GPS1: variants seen among roughly 807,000 people sequenced by gnomAD.
GPS1 encodes COP9 signalosome complex subunit 1.
Under a neutral mutation model 60.0 loss-of-function variants are expected in GPS1, and 11 were observed. That is an observed-to-expected ratio of 0.18 (90% CI 0.12 to 0.30). GPS1 has a LOEUF of 0.30. Ranked by LOEUF, GPS1 falls within the 10% of genes least tolerant of loss-of-function variation. The pLI, the probability that GPS1 is intolerant of heterozygous loss-of-function variation, is 1.00. For missense variants in GPS1, 543 were observed against 669.2 expected, an observed-to-expected ratio of 0.81 and a Z score of 2.08; for synonymous variants, 343 against 269.8, an observed-to-expected ratio of 1.27 and a Z score of -2.66.
rs1286080748 is a variant in GPS1, at chr17:82,057,061, C to T, written c.1398C>T (p.Pro466=). The stretch of plus-strand genomic sequence containing the variant: ...CCTTGTCTCCCCTGCAGTCCCCGCC[C>T]AGAGAAGGGAGCCAGGGGGAGCTGA... ...LRNQIHVKSP[P]REGSQGELTP... is the part of the protein sequence containing the mutation. Residue 466 remains proline, a synonymous_variant, in exon 13 of 13, where the codon CCC becomes CCT. Transcript: ENST00000578552. The T allele has an allele frequency of 1.9e-6, 3 of 1,594,572 alleles. No homozygotes were observed. Among genetic ancestry groups the T allele is most frequent in the Admixed American group, 1.7e-5 (1 of 58,924 alleles).
chr17:82,054,405 T>G lies in GPS1; in HGVS notation c.309-105T>G. The G allele has an allele frequency of 2.2e-6, 3 of 1,378,346 alleles. No homozygotes were observed. In the African/African-American group the frequency reaches 4.4e-5, roughly 20 times the overall value. 85.4% of individuals were successfully genotyped at this position (1,378,346 alleles called of 1,614,324 possible). ...TTGAGGCCAGCGGGAGGTGCCCACC[T>G]GTGTGCCGGTTGGGCCTTTGAGGGC... On this transcript the variant is annotated intron_variant, in intron 3 of 12. Coordinates refer to ENST00000578552, the MANE Select transcript of GPS1 (RefSeq NM_001321092.3).
In GPS1 at chr17:82,056,939, C is replaced by T. The variant is rs2032957644; in HGVS notation, c.1354C>T (p.Arg452Trp). 1.2e-6 allele frequency: 2 copies of T among 1,612,782 alleles called. No individual in the cohort carries two copies. Among genetic ancestry groups the T allele is most frequent in the Non-Finnish European group, 1.7e-6 (2 of 1,179,948 alleles). Residue 452 changes from arginine (R) to tryptophan (W), a missense_variant, in exon 12 of 13, where the codon CGG becomes TGG. By Grantham distance (101) the Arg-to-Trp change is moderately radical (BLOSUM62 -3). Coordinates refer to ENST00000578552, the MANE Select transcript of GPS1 (RefSeq NM_001321092.3). ...GCGCCGCGCCAAGGCCATGATGCTG[C>T]GGGCAGCTGTGCTCCGCAACCAGAT... ...FQRRAKAMML[R>W]AAVLRNQIHV...
rs574840143 is a variant in GPS1, at chr17:82,055,191, G to A, written c.717G>A (p.Gln239=). 9.0e-6 allele frequency: 14 copies of A among 1,560,708 alleles called. No homozygotes were observed. The highest frequency in any genetic ancestry group is 7.2e-5 in the East Asian group (3 of 41,424). Residue 239 remains glutamine (Q), a synonymous_variant, in exon 6 of 13, where the codon CAG becomes CAA. Coordinates refer to ENST00000578552, the MANE Select transcript of GPS1 (RefSeq NM_001321092.3). ...GAGGAGAGCGTGACAGCCAGACCCA[G>A]GCCATCCTCACCAAGCTCAAGTGTG... ...EQRGERDSQT[Q]AILTKLKCAA...
rs1010474793 is a variant in GPS1 at position 82,051,943 on chromosome 17, G to A, written c.12G>A (p.Pro4=). ...GGGGTGGGTGCAAGATGCCGCTGCCGGTTCAGGTGTTTAACTTGCAGGTAA... is the reference window on the plus strand; with the variant it reads ...GGGGTGGGTGCAAGATGCCGCTGCCAGTTCAGGTGTTTAACTTGCAGGTAA... MPL[P]VQVFNLQGAV... Residue 4 remains proline, a synonymous_variant, in exon 1 of 13, where the codon CCG becomes CCA. Coordinates refer to ENST00000578552, the MANE Select transcript of GPS1 (RefSeq NM_001321092.3). The surrounding 1 kb of genome is among the most constrained non-coding windows in gnomAD (Gnocchi z 4.1). The A allele has an allele frequency of 1.0e-5, 12 of 1,166,130 alleles. No individual in the cohort carries two copies. In the African/African-American group the frequency reaches 1.8e-4, roughly 17 times the overall value. The allele number at this position is 1,166,130 out of a possible 1,614,324, so 72.2% of individuals were successfully genotyped here. A position where few individuals can be genotyped will look rare whatever the true frequency, so the allele number is the denominator to read the frequency against.
intron 10 of GPS1, 39 bp from the exon 11 acceptor site, chr17:82,056,590 T>C: frequency 6.2e-7 from 1 of 1,612,454 alleles, no homozygotes; most frequent in South Asian, 1.1e-5. Flanking sequence ...CAGGCGGGCA[T>C]GCAGGGGGCT....
chr17:82,051,654 G>A, upstream of GPS1: 3 of 1,026,598 alleles, frequency 2.9e-6, no homozygotes, highest in Non-Finnish European at 3.5e-6. This position sits in a 1 kb window ranked among gnomAD's most constrained non-coding sequence, Gnocchi z 4.1. Flanking sequence ...CGGGGCGGGG[G>A]TCCGGGCCGG....
At chr17:82,053,841 C>T (rs760995728) in intron 2 of GPS1, 27 bp from the exon 3 acceptor site, 1 of 1,590,584 alleles carries the variant, frequency 6.3e-7, no homozygotes, top group South Asian at 1.1e-5. Context: ...CCCATCCTGC[C>T]TGACTCTTGT....
intron 6 of GPS1, 63 bp downstream of exon 6, chr17:82,055,285 A>G: frequency 6.7e-7 from 1 of 1,493,416 alleles, no homozygotes; most frequent in African/African-American, 1.4e-5. Context: ...CTCCCAGCCC[A>G]GGGCAGTAGG....
rs2144642003 is a variant in GPS1 at position 82,056,458 on chromosome 17, C to T, written c.1036-12C>T. ...GGCCTCCTGTCCTGGTCCTGACCAG[C>T]CCCTTCCCCAGGACAACCTGCTCCT... On this transcript the variant is annotated splice_polypyrimidine_tract_variant and intron_variant, in intron 9 of 12. Transcript: ENST00000578552. 2 of 1,613,128 alleles carry T rather than the reference C, an allele frequency of 1.2e-6. No individual in the cohort carries two copies. Among genetic ancestry groups the T allele is most frequent in the Non-Finnish European group, 1.7e-6 (2 of 1,179,976 alleles).
In GPS1 at chr17:82,056,492, A is replaced by G. The variant is rs754907485; in HGVS notation, c.1058A>G (p.Tyr353Cys). 6 of 1,612,942 alleles carry G rather than the reference A, an allele frequency of 3.7e-6. No individual in the cohort carries two copies. Among genetic ancestry groups the G allele is most frequent in the Non-Finnish European group, 5.1e-6 (6 of 1,179,976 alleles). ...CAGGACAACCTGCTCCTGGACATGT[A>G]TCTGGCCCCCCATGTCAGGACCCTG... is the stretch of plus-strand genomic sequence containing the variant. Reference protein sequence around the residue: ...EMKDNLLLDMYLAPHVRTLYT... With the variant: ...EMKDNLLLDMCLAPHVRTLYT... Residue 353 changes from tyrosine to cysteine, a missense_variant, in exon 10 of 13, where the codon TAT becomes TGT. Transcript: ENST00000578552.
intron 12 of GPS1, 26 bp downstream of exon 12, chr17:82,057,000 C>T (rs372990190): frequency 1.9e-5 from 30 of 1,611,968 alleles, no homozygotes; most frequent in African/African-American, 4.0e-5. Context: ...GGGGGGCAGG[C>T]GCACGGCGTG....
At chr17:82,054,472 G>C in intron 3 of GPS1, 38 bp from the exon 4 acceptor site, 1 of 1,455,276 alleles carries the variant, frequency 6.9e-7, no homozygotes, top group South Asian at 1.4e-5. Context: ...CCTGGCCCCC[G>C]TGACCGCCGC....
chr17:82,055,452 G>T (rs1009818166), intron 6 of GPS1: 2 of 619,828 alleles, frequency 3.2e-6, no homozygotes, highest in Non-Finnish European at 5.8e-6. Flanking sequence ...CGTGAGGCAG[G>T]TCTGCCAGCC....
chr17:82,052,477 GA>G, intron 1 of GPS1: 1 of 1,604,646 alleles, frequency 6.2e-7, no homozygotes, highest in Non-Finnish European at 8.5e-7. Context: ...CCAGGACAGG[GA>G]CCCCCGAGCG....
Position 82,054,940 on chromosome 17 carries a change from G to T in GPS1, c.652G>T (p.Val218Phe). ...LQNWSHVLSY[V>F]SKAESTPEIA... ...GAATTGGTCTCATGTGCTCAGCTAC[G>T]TCAGCAAGGCTGAGTCCACCCCAGA... is the stretch of plus-strand genomic sequence containing the variant. Residue 218 changes from valine (V) to phenylalanine (F), a missense_variant, in exon 5 of 13, where the codon GTC (valine) becomes TTC (phenylalanine). By Grantham distance (50) the Val-to-Phe change is conservative. This residue lies in a region of GPS1 where 71 missense variants were observed against 126.7 expected (regional missense o/e 0.56). Coordinates refer to ENST00000578552, the MANE Select transcript of GPS1 (RefSeq NM_001321092.3). The T allele has an allele frequency of 1.2e-6, 2 of 1,611,432 alleles. No individual in the cohort carries two copies. The highest frequency in any genetic ancestry group is 1.7e-6 in the Non-Finnish European group (2 of 1,179,106).
intron 3 of GPS1, 128 bp downstream of exon 3, chr17:82,054,177 C>A (rs534457219): frequency 9.0e-7 from 1 of 1,111,048 alleles, no homozygotes; most frequent in Non-Finnish European, 1.3e-6. Context: ...GTAGAGCTCT[C>A]GCTCTCTTTT....
At chr17:82,057,004 C>A in intron 12 of GPS1, 30 bp downstream of exon 12, 1 of 1,611,954 alleles carries the variant, frequency 6.2e-7, no homozygotes, top group Non-Finnish European at 8.5e-7. Context: ...GGCAGGCGCA[C>A]GGCGTGTGGG....
chr17:82,051,837 TA>T (rs2144266107), upstream of GPS1: 2 of 1,135,266 alleles, frequency 1.8e-6, no homozygotes, highest in East Asian at 8.2e-5. This position sits in a 1 kb window ranked among gnomAD's most constrained non-coding sequence, Gnocchi z 4.1. Flanking sequence ...GCGGCCCCTT[TA>T]AGAACGCAGC....
At chr17:82,052,334 GCCT>G in intron 1 of GPS1, 2 of 1,612,824 alleles carry the variant, frequency 1.2e-6, no homozygotes, top group Non-Finnish European at 1.7e-6. Flanking sequence ...CCCCAGCTCG[GCCT>G]CCTCGTCAGT....
Sources: allele counts gnomAD v4.1 joint callset, GRCh38; gene constraint gnomAD v4.1.1; regional missense constraint gnomAD v4.1.1; non-coding constraint Gnocchi (gnomAD v3.1); transcripts MANE v1.5; gene names NCBI Gene and HGNC (gene_info 2026-07-23, HGNC 2026-07-21).